Variants in ALK observed in about 807,000 individuals in gnomAD.
ALK encodes ALK tyrosine kinase receptor.
In ALK, 74 loss-of-function variants were observed where a neutral mutation model predicts 163.1. The observed-to-expected ratio is 0.45, with a 90% CI of 0.38 to 0.55. The LOEUF (loss-of-function observed/expected upper bound fraction) is 0.55, where lower values mean the gene tolerates loss of function less well. ALK is among the 20% of genes least tolerant of loss of function. The pLI, the probability that ALK is intolerant of heterozygous loss-of-function variation, is 0.00. For synonymous variants in ALK, 960 were observed against 843.2 expected (o/e 1.14, Z -2.40); for missense variants, 2,063 against 2,105.3 (o/e 0.98, Z 0.39).
At chr2:29,406,898 C>CAAAAAAAA (rs11397203) in intron 4 of ALK, among the ~76,000 whole-genome samples, 1 of 133,494 alleles carries the variant, frequency 7.5e-6, no homozygotes, top group African/African-American at 2.9e-5. Flanking sequence ...GACTCCATCT[C>CAAAAAAAA]AAAAAAAAAA....
At chr2:29,490,219 G>T (rs1383136926) in intron 4 of ALK, among the ~76,000 whole-genome samples, 1 of 152,266 alleles carries the variant, frequency 6.6e-6, no homozygotes, top group Non-Finnish European at 1.5e-5. Context: ...AGCTGAGGCC[G>T]CAAGCAGCCC....
At chr2:29,312,734 T>G (rs1019994650) in intron 8 of ALK, among the ~76,000 whole-genome samples, 1 of 152,216 alleles carries the variant, frequency 6.6e-6, no homozygotes, top group Non-Finnish European at 1.5e-5. Flanking sequence ...TGGTCTCCAA[T>G]GCAGGAAGAG....
intron 12 of ALK, among the ~76,000 whole-genome samples, chr2:29,244,147 G>C (rs1377410315): frequency 6.6e-6 from 1 of 152,246 alleles, no homozygotes; most frequent in Non-Finnish European, 1.5e-5. Context: ...CTGCCGCTCA[G>C]AAAAACAGAA....
chr2:29,744,212 C>G (rs1680143506), intron 1 of ALK, among the ~76,000 whole-genome samples: 1 of 152,134 alleles, frequency 6.6e-6, no homozygotes, highest in Non-Finnish European at 1.5e-5. Context: ...TTGCCTAAGA[C>G]TTTGCAGGAT....
intron 20 of ALK, 149 bp downstream of exon 20, chr2:29,223,193 T>C (rs1044049512): frequency 2.6e-6 from 2 of 767,076 alleles, no homozygotes; most frequent in Non-Finnish European, 4.4e-6. Flanking sequence ...TGGCCCTGAA[T>C]GTCAAGGCTT....
chr2:29,387,633 T>G (rs1364071512), intron 4 of ALK, among the ~76,000 whole-genome samples: 1 of 152,242 alleles, frequency 6.6e-6, no homozygotes, highest in Non-Finnish European at 1.5e-5. Context: ...CTTATTGATC[T>G]GATATCTATA....
intron 11 of ALK, among the ~76,000 whole-genome samples, chr2:29,272,187 A>AGG (rs72180878): frequency 5.2e-4 from 76 of 145,650 alleles, no homozygotes; most frequent in African/African-American, 9.3e-4. Context: ...CGGGTGAGGG[A>AGG]GAGAGAGAGA....
intron 1 of ALK, among the ~76,000 whole-genome samples, chr2:29,877,740 G>A (rs1666760100): frequency 6.6e-6 from 1 of 152,204 alleles, no homozygotes; most frequent in Admixed American, 6.5e-5. Flanking sequence ...CGCTGGCTCT[G>A]CTCTGCCTAC....
At chr2:29,792,337 A>G (rs1486954448) in intron 1 of ALK, among the ~76,000 whole-genome samples, 1 of 152,194 alleles carries the variant, frequency 6.6e-6, no homozygotes, top group Admixed American at 6.6e-5. Flanking sequence ...TAAGAATTTA[A>G]TATGTAATAA....
intron 4 of ALK, among the ~76,000 whole-genome samples, chr2:29,398,025 C>A (rs1669352521): frequency 6.6e-6 from 1 of 152,210 alleles, no homozygotes; most frequent in African/African-American, 2.4e-5. Flanking sequence ...TGGGCTGGGA[C>A]TGCCACTGCC....
chr2:29,635,367 T>C (rs953799725), intron 3 of ALK, among the ~76,000 whole-genome samples: 1 of 152,208 alleles, frequency 6.6e-6, no homozygotes, highest in Admixed American at 6.5e-5. Flanking sequence ...AGGTGAGCCC[T>C]ACATTCAATC....
chr2:29,211,524 C>A (rs1268878157), intron 24 of ALK, among the ~76,000 whole-genome samples: 1 of 151,992 alleles, frequency 6.6e-6, no homozygotes. Context: ...TAAACCATGT[C>A]CAAAGGAAAA....
At position 29,857,001 on chromosome 2, in the gene ALK, C is replaced by CG. The variant is rs577565675; in HGVS notation, c.667+62991dup. On this transcript the variant is annotated intron_variant, in intron 1 of 28. Transcript: ENST00000389048. Reference sequence around the variant, plus strand: ...AGTGTGTGTGTCGTGTACAGGACCACGGGGGTGGGATTTAGCAAATATAGG... The same window carrying CG: ...AGTGTGTGTGTCGTGTACAGGACCACGGGGGGTGGGATTTAGCAAATATAGG... Among the ~76,000 whole-genome samples, 288 of 152,046 alleles carry CG rather than the reference C, an allele frequency of 1.9e-3. 1 individual carries two copies. The highest frequency in any genetic ancestry group is 3.1e-3 in the Non-Finnish European group (210 of 68,018).
intron 11 of ALK, among the ~76,000 whole-genome samples, chr2:29,274,571 G>C (rs1665478587): frequency 6.6e-6 from 1 of 152,268 alleles, no homozygotes; most frequent in African/African-American, 2.4e-5. Flanking sequence ...TTCTGCTGAA[G>C]TGGCAAGGGG....
intron 5 of ALK, among the ~76,000 whole-genome samples, chr2:29,352,773 T>C (rs1230257545): frequency 6.6e-6 from 1 of 152,174 alleles, no homozygotes; most frequent in African/African-American, 2.4e-5. Flanking sequence ...TTGTGGGAAG[T>C]GGGCAGAGTC....
intron 1 of ALK, among the ~76,000 whole-genome samples, chr2:29,751,453 T>C (rs1486933098): frequency 6.6e-6 from 1 of 152,140 alleles, no homozygotes; most frequent in African/African-American, 2.4e-5. Context: ...CCGTGACTAG[T>C]TTGATTTGGG....
chr2:29,912,538 G>T (rs1215115974), intron 1 of ALK, among the ~76,000 whole-genome samples: 3 of 152,058 alleles, frequency 2.0e-5, no homozygotes, highest in African/African-American at 4.8e-5. Context: ...TGCAAAAAAA[G>T]ACCTCTTTAG....
At chr2:29,721,091 G>A (rs975442850) in intron 1 of ALK, among the ~76,000 whole-genome samples, 1 of 152,118 alleles carries the variant, frequency 6.6e-6, no homozygotes, top group Non-Finnish European at 1.5e-5. Context: ...TGGACTGAAG[G>A]CATTATTGAT....
chr2:29,464,221 CT>C (rs1671152550), intron 4 of ALK, among the ~76,000 whole-genome samples: 1 of 152,124 alleles, frequency 6.6e-6, no homozygotes, highest in Non-Finnish European at 1.5e-5. Flanking sequence ...AAGATAATCA[CT>C]CAGTGGAAAC....
Sources: allele counts gnomAD v4.1 joint callset (sites outside exome capture counted in the v4.1 genomes callset), GRCh38; gene constraint gnomAD v4.1.1; transcripts MANE v1.5; gene names NCBI Gene and HGNC (gene_info 2026-07-23, HGNC 2026-07-21).